The following GSG1L variants were observed in gnomAD, a reference collection of about 807,000 sequenced individuals.
GSG1L encodes GSG1 like.
A neutral mutation model predicts 42.1 loss-of-function variants in GSG1L; 24 were observed. The observed-to-expected ratio is 0.57, with a 90% CI of 0.41 to 0.80. The LOEUF is 0.80. GSG1L is among the 30% of genes least tolerant of loss of function. GSG1L has a pLI of 0.00. For synonymous variants in GSG1L, 215 were observed against 203.5 expected (o/e 1.06, Z -0.48); for missense variants, 445 against 472.2 (o/e 0.94, Z 0.53).
At chr16:27,836,309 A>C (rs982213749) in intron 4 of GSG1L, among the ~76,000 whole-genome samples, 7 of 150,102 alleles carry the variant, frequency 4.7e-5, no homozygotes, top group African/African-American at 1.5e-4. Flanking sequence ...TTTTTTTTCA[A>C]GTTTGACTGT....
chr16:27,969,277 C>T (rs2085166563), intron 1 of GSG1L, among the ~76,000 whole-genome samples: 1 of 152,196 alleles, frequency 6.6e-6, no homozygotes, highest in Admixed American at 6.5e-5. Flanking sequence ...TCACTCATTT[C>T]CTGCAACCCT....
chr16:28,014,654 ATTTTTTTTTTTTTT>A (rs3033619), intron 1 of GSG1L, among the ~76,000 whole-genome samples: 1 of 73,452 alleles, frequency 1.4e-5, no homozygotes, highest in East Asian at 3.9e-4. Context: ...CAGGCACGCT[ATTTTTTTTTTTTTT>A]TTTTTTTTTT....
chr16:27,803,574 A>G (rs900295098), intron 6 of GSG1L, among the ~76,000 whole-genome samples: 2 of 151,746 alleles, frequency 1.3e-5, no homozygotes, highest in East Asian at 3.9e-4. Context: ...AAACCAAGAC[A>G]CTCTAGGAAT....
chr16:28,019,699 A>G (rs1400581118), intron 1 of GSG1L, among the ~76,000 whole-genome samples: 3 of 152,174 alleles, frequency 2.0e-5, no homozygotes, highest in Non-Finnish European at 4.4e-5. Context: ...TCAAGCATCA[A>G]TCGTCCAAAG....
intron 5 of GSG1L, among the ~76,000 whole-genome samples, chr16:27,817,401 C>G (rs2083107837): frequency 6.6e-6 from 1 of 152,246 alleles, no homozygotes; most frequent in Admixed American, 6.5e-5. Context: ...TCCCAAATAT[C>G]CAGCCACTGC....
Position 27,909,955 on chromosome 16 carries a change from CTTTTTTTT to C in GSG1L, c.398-25325_398-25318del, listed in dbSNP as rs67729209. 5.1e-3 allele frequency among the ~76,000 whole-genome samples: 662 copies of C among 129,936 alleles called. 5 individuals carry two copies. Among genetic ancestry groups the C allele is most frequent in the African/African-American group, 0.015 (550 of 35,540 alleles). The allele number at this position is 129,936 out of a possible 152,430, so 85.2% of individuals were successfully genotyped here. On this transcript the variant is annotated intron_variant, in intron 2 of 6. Coordinates refer to ENST00000447459, the MANE Select transcript of GSG1L (RefSeq NM_001109763.2). ...ATTAAATGATGTGCATCTTTTCTTT[CTTTTTTTT>C]TTTTTTTTTTTGTTTAGACAGAGTC...
chr16:27,839,360 C>A (rs1174653593), intron 4 of GSG1L, among the ~76,000 whole-genome samples: 1 of 152,234 alleles, frequency 6.6e-6, no homozygotes, highest in Non-Finnish European at 1.5e-5. Context: ...GTCCCACTAC[C>A]CTCAGTCTGC....
chr16:27,832,429 AT>A, intron 4 of GSG1L, among the ~76,000 whole-genome samples: 1 of 152,266 alleles, frequency 6.6e-6, no homozygotes, highest in South Asian at 2.1e-4. Context: ...CATTTCAATA[AT>A]TTTACCTCTT....
intron 1 of GSG1L, among the ~76,000 whole-genome samples, chr16:28,042,859 T>G (rs2086122514): frequency 6.6e-6 from 1 of 151,974 alleles, no homozygotes; most frequent in Non-Finnish European, 1.5e-5. Flanking sequence ...AGACAACAGA[T>G]TTAGCCAAGG....
At chr16:27,882,705 C>T (rs1307867259) in intron 3 of GSG1L, among the ~76,000 whole-genome samples, 2 of 152,196 alleles carry the variant, frequency 1.3e-5, no homozygotes, top group African/African-American at 4.8e-5. Context: ...CTCATCCCGA[C>T]TCCCTGGGCA....
chr16:27,905,707 G>A (rs886985528), intron 2 of GSG1L, among the ~76,000 whole-genome samples: 5 of 152,148 alleles, frequency 3.3e-5, no homozygotes, highest in African/African-American at 1.2e-4. Context: ...CACGAAGAAT[G>A]TACTTCTTCT....
chr16:27,874,714 TG>T (rs1467116938), intron 3 of GSG1L, among the ~76,000 whole-genome samples: 1 of 152,178 alleles, frequency 6.6e-6, no homozygotes, highest in Non-Finnish European at 1.5e-5. Flanking sequence ...TTGAGACCCT[TG>T]CCAACCTTGC....
intron 2 of GSG1L, among the ~76,000 whole-genome samples, chr16:27,920,305 A>G (rs2084509263): frequency 6.6e-6 from 1 of 152,170 alleles, no homozygotes; most frequent in Non-Finnish European, 1.5e-5. Context: ...GGACTGTAGC[A>G]TGGCTGCCTG....
intron 2 of GSG1L, among the ~76,000 whole-genome samples, chr16:27,923,770 A>AAGAGAGAGAGAGAAAGAAAGACAG (rs2141065760): frequency 7.5e-6 from 1 of 133,982 alleles, no homozygotes; most frequent in East Asian, 2.2e-4. Flanking sequence ...GAAAGAAAGA[A>AAGAGAGAGAGAGAAAGAAAGACAG]AGAGAGAGAG....
chr16:27,971,292 T>G (rs1445054599), intron 1 of GSG1L, among the ~76,000 whole-genome samples: 1 of 152,228 alleles, frequency 6.6e-6, no homozygotes, highest in Non-Finnish European at 1.5e-5. Flanking sequence ...GGGATGTTTT[T>G]CCATTTACTT....
rs531087436 is a variant in GSG1L at position 27,842,106 on chromosome 16, G to A, written c.662+2844C>T. Among the ~76,000 whole-genome samples the A allele has an allele frequency of 6.3e-3, 741 of 117,196 alleles. 7 individuals are homozygous for A. The highest frequency in any genetic ancestry group is 0.02 in the African/African-American group (696 of 34,416). 76.9% of individuals were successfully genotyped at this position (117,196 alleles called of 152,430 possible). On this transcript the variant is annotated intron_variant, in intron 4 of 6. Transcript: ENST00000447459. ...AATTTCACATCAGTAGCACGATGTC[G>A]CGCGTGCCGAATTTCACATCAGTAG...
At chr16:27,869,412 CT>C (rs1185367840) in intron 3 of GSG1L, among the ~76,000 whole-genome samples, 1 of 151,328 alleles carries the variant, frequency 6.6e-6, no homozygotes, top group East Asian at 1.9e-4. Flanking sequence ...CTTGTTCCTC[CT>C]TTTTCTCTCA....
At chr16:27,901,146 A>C (rs1360421001) in intron 2 of GSG1L, among the ~76,000 whole-genome samples, 1 of 152,206 alleles carries the variant, frequency 6.6e-6, no homozygotes, top group East Asian at 1.9e-4. Flanking sequence ...AATATTTAAA[A>C]ATTAGAAGTA....
chr16:27,801,489 G>A (rs2082881607), intron 6 of GSG1L, among the ~76,000 whole-genome samples: 2 of 152,206 alleles, frequency 1.3e-5, no homozygotes, highest in African/African-American at 4.8e-5. Flanking sequence ...GCCCATCGCA[G>A]GATCTGAGCA....
Sources: gnomAD v4.1 joint callset for allele counts (sites outside exome capture counted in the v4.1 genomes callset) on GRCh38, gnomAD v4.1.1 for gene constraint, MANE v1.5 for transcripts, NCBI Gene and HGNC (gene_info 2026-07-23, HGNC 2026-07-21) for gene names.